TUB: variants seen among roughly 807,000 people sequenced by gnomAD.
TUB encodes TUB bipartite transcription factor.
A neutral mutation model predicts 59.7 loss-of-function variants in TUB; 33 were observed. The ratio of observed to expected loss-of-function variants is 0.55; its 90% CI spans 0.42 to 0.74. TUB has a LOEUF of 0.74. TUB is among the 30% of genes least tolerant of loss of function. TUB has a pLI of 0.00. For synonymous variants in TUB, 293 were observed against 256.4 expected, an observed-to-expected ratio of 1.14 and a Z score of -1.36; for missense variants, 659 against 672.0, an observed-to-expected ratio of 0.98 and a Z score of 0.21.
At chr11:8,087,724 T>TG (rs1251335786) in intron 1 of TUB, among the ~76,000 whole-genome samples, 5 of 152,254 alleles carry the variant, frequency 3.3e-5, no homozygotes, top group African/African-American at 1.2e-4. Context: ...TGTGGGCAAA[T>TG]GCTTTGACTT....
chr11:8,090,208 G>A lies in TUB; in HGVS notation c.230G>A (p.Ser77Asn), dbSNP rs772925281. Reference sequence around the variant, plus strand: ...CCCCTGGTGGAGTCCTACCTCAGCAGCAGTGGCAGCACCAGCTACCAAGGT... The same window carrying A: ...CCCCTGGTGGAGTCCTACCTCAGCAACAGTGGCAGCACCAGCTACCAAGGT... ...QAPLVESYLSSSGSTSYQVQE... is the reference protein window; with the variant it reads ...QAPLVESYLSNSGSTSYQVQE... Residue 77 changes from serine to asparagine, a missense_variant, in exon 3 of 12, where the codon AGC (serine) becomes AAC (asparagine). Ser to Asn is a conservative substitution (Grantham distance 46). Around this residue, in one of 3 missense-constraint regions of TUB, gnomAD observed 321 missense variants for 304.3 expected, o/e 1.05. Coordinates refer to ENST00000299506, the MANE Select transcript of TUB (RefSeq NM_177972.3). The A allele has an allele frequency of 5.6e-6, 9 of 1,613,588 alleles. No homozygotes were observed. Among genetic ancestry groups the A allele is most frequent in the Non-Finnish European group, 7.6e-6 (9 of 1,179,966 alleles).
chr11:8,089,472 C>A (rs1354306435), intron 1 of TUB, 138 bp from the exon 2 acceptor site: 7 of 1,030,632 alleles, frequency 6.8e-6, no homozygotes, highest in Non-Finnish European at 1.0e-5. Context: ...CTTCCTCCTT[C>A]TACCATGTGG....
chr11:8,082,778 A>G (rs1166618582), intron 1 of TUB, among the ~76,000 whole-genome samples: 1 of 152,216 alleles, frequency 6.6e-6, no homozygotes, highest in Non-Finnish European at 1.5e-5. Flanking sequence ...ATCCTTCTGA[A>G]AACAGGCACG....
At chr11:8,046,244 A>G (rs1942831286) in intron 2 of TUB, among the ~76,000 whole-genome samples, 2 of 152,216 alleles carry the variant, frequency 1.3e-5, no homozygotes, top group South Asian at 2.1e-4. Flanking sequence ...CTTTTGTCCA[A>G]TGTCTGAACT....
chr11:8,039,171 C>T, intron 1 of TUB: 1 of 1,096,292 alleles, frequency 9.1e-7, no homozygotes, highest in South Asian at 1.7e-5. Context: ...CACGTGGAGC[C>T]CCACAGGTAT....
At chr11:8,089,962 C>T in intron 2 of TUB, 107 bp from the exon 3 acceptor site, 1 of 1,429,160 alleles carries the variant, frequency 7.0e-7, no homozygotes, top group East Asian at 2.5e-5. Flanking sequence ...GTTGGGGTGC[C>T]AAGGACATGG....
At chr11:8,060,574 C>T (rs947826146) in intron 2 of TUB, among the ~76,000 whole-genome samples, 25 of 152,130 alleles carry the variant, frequency 1.6e-4, no homozygotes, top group African/African-American at 5.6e-4. Flanking sequence ...TTTCAAATGA[C>T]ATTTGGAGCC....
At chr11:8,064,485 G>A (rs954997026) in intron 2 of TUB, among the ~76,000 whole-genome samples, 4 of 152,236 alleles carry the variant, frequency 2.6e-5, no homozygotes, top group African/African-American at 7.2e-5. Flanking sequence ...CCAGGGCTCT[G>A]ATGGTGGCTA....
At chr11:8,100,305 A>G (rs1231661265) in intron 9 of TUB, among the ~76,000 whole-genome samples, 198 bp from the exon 10 acceptor site, 1 of 152,182 alleles carries the variant, frequency 6.6e-6, no homozygotes, top group African/African-American at 2.4e-5. Flanking sequence ...AGCAAGGATG[A>G]CGCATAAGAG....
At chr11:8,019,523 C>T (rs997585645) in intron 1 of TUB, among the ~76,000 whole-genome samples, 14 of 152,092 alleles carry the variant, frequency 9.2e-5, no homozygotes, top group African/African-American at 3.4e-4. Context: ...TCGGGTACGG[C>T]GCAGCGGAGC....
intron 6 of TUB, 42 bp from the exon 7 acceptor site, chr11:8,097,186 T>G (rs746613641): frequency 6.2e-7 from 1 of 1,610,446 alleles, no homozygotes; most frequent in East Asian, 2.2e-5. Context: ...TTGGGCTGCT[T>G]AGGGTCCTTG....
chr11:8,028,313 T>C (rs1368499174), intron 1 of TUB, among the ~76,000 whole-genome samples: 3 of 152,244 alleles, frequency 2.0e-5, no homozygotes, highest in African/African-American at 7.2e-5. Context: ...TGTTGAGTTA[T>C]AGGAGTTCTT....
intron 2 of TUB, among the ~76,000 whole-genome samples, chr11:8,045,613 C>A (rs1942819091): frequency 6.6e-6 from 1 of 152,216 alleles, no homozygotes; most frequent in Non-Finnish European, 1.5e-5. Flanking sequence ...CTCATTGGAG[C>A]ATTTCAGATT....
chr11:8,083,028 C>T (rs1415475227), intron 1 of TUB, among the ~76,000 whole-genome samples: 1 of 152,242 alleles, frequency 6.6e-6, no homozygotes, highest in Non-Finnish European at 1.5e-5. Flanking sequence ...GCTGTGCTGA[C>T]TGAGAAGAGC....
Position 8,064,120 on chromosome 11 carries a change from C to T in TUB, c.203+24428C>T, listed in dbSNP as rs145445674. 2.8e-3 allele frequency among the ~76,000 whole-genome samples: 427 copies of T among 152,308 alleles called. 7 individuals are homozygous for T. The highest frequency in any genetic ancestry group is 0.022 in the Admixed American group (334 of 15,302). The stretch of plus-strand genomic sequence containing the variant: ...CAGACTTACTCAGTTCTCAGTCTCC[C>T]ACCAATAGGCCAGAATGTACGTCAG... On this transcript the variant is annotated intron_variant, in intron 2 of 12. Coordinates refer to the TUB transcript ENST00000305253.
chr11:8,092,222 G>A (rs1943799719), intron 3 of TUB, among the ~76,000 whole-genome samples: 1 of 152,150 alleles, frequency 6.6e-6, no homozygotes, highest in Admixed American at 6.5e-5. Context: ...CAGGAGGATT[G>A]CTTGAGGGCG....
chr11:8,041,160 C>G (rs1463934743), intron 2 of TUB, among the ~76,000 whole-genome samples: 1 of 152,220 alleles, frequency 6.6e-6, no homozygotes, highest in Non-Finnish European at 1.5e-5. Flanking sequence ...GGCTGCCTGG[C>G]AGGGACTCTT....
At chr11:8,061,525 G>A (rs925484064) in intron 2 of TUB, among the ~76,000 whole-genome samples, 2 of 152,148 alleles carry the variant, frequency 1.3e-5, no homozygotes, top group Admixed American at 1.3e-4. Flanking sequence ...CAGGGCCTAG[G>A]AGTTGGGGAG....
chr11:8,081,932 C>G (rs1356782804), intron 1 of TUB, among the ~76,000 whole-genome samples: 1 of 152,224 alleles, frequency 6.6e-6, no homozygotes, highest in African/African-American at 2.4e-5. Flanking sequence ...CACAGGACGT[C>G]CCTGCCTTGG....
Sources: allele counts gnomAD v4.1 joint callset (sites outside exome capture counted in the v4.1 genomes callset), GRCh38; gene constraint gnomAD v4.1.1; regional missense constraint gnomAD v4.1.1; transcripts MANE v1.5; gene names NCBI Gene and HGNC (gene_info 2026-07-23, HGNC 2026-07-21).